The following FMN1 variants were observed in gnomAD, a reference collection of about 807,000 sequenced individuals.
The protein encoded by FMN1 is formin 1, also known as formin-1.
Under a neutral mutation model 132.4 loss-of-function variants are expected in FMN1, and 110 were observed. That is an observed-to-expected ratio of 0.83 (90% CI 0.71 to 0.97). The LOEUF is 0.97. Ranked by LOEUF, FMN1 falls within the 50% of genes least tolerant of loss-of-function variation. FMN1 has a pLI of 0.00. For missense variants in FMN1, 1,792 were observed against 1,705.3 expected, an observed-to-expected ratio of 1.05 and a Z score of -0.90; for synonymous variants, 722 against 651.7, an observed-to-expected ratio of 1.11 and a Z score of -1.64.
intron 17 of FMN1, among the ~76,000 whole-genome samples, chr15:32,829,363 C>A (rs988332957): frequency 1.3e-5 from 2 of 152,216 alleles, no homozygotes; most frequent in African/African-American, 4.8e-5. Flanking sequence ...GAGGACTAGA[C>A]AAGCCATCTT....
At chr15:32,874,039 TAC>T (rs1489367808) in intron 16 of FMN1, among the ~76,000 whole-genome samples, 1 of 147,082 alleles carries the variant, frequency 6.8e-6, no homozygotes, top group Non-Finnish European at 1.5e-5. Context: ...TTTTTTTTGA[TAC>T]AGAGTCTTGC....
chr15:33,083,907 A>G (rs983691145), intron 5 of FMN1, among the ~76,000 whole-genome samples: 1 of 152,174 alleles, frequency 6.6e-6, no homozygotes, highest in Non-Finnish European at 1.5e-5. Context: ...CTCACGGCTC[A>G]TTACATGCTA....
At chr15:33,043,358 A>G (rs1275591804) in intron 6 of FMN1, among the ~76,000 whole-genome samples, 1 of 152,246 alleles carries the variant, frequency 6.6e-6, no homozygotes, top group African/African-American at 2.4e-5. Flanking sequence ...AGTCAAATGT[A>G]GCCAACTGTT....
chr15:33,160,372 G>A (rs1030695782), intron 3 of FMN1, among the ~76,000 whole-genome samples: 2 of 152,144 alleles, frequency 1.3e-5, no homozygotes, highest in African/African-American at 4.8e-5. Context: ...CAACAAAAAA[G>A]GATCTTCCCT....
chr15:33,128,009 T>C (rs1963271702), intron 4 of FMN1, among the ~76,000 whole-genome samples: 1 of 150,970 alleles, frequency 6.6e-6, no homozygotes, highest in Non-Finnish European at 1.5e-5. Context: ...AAGGGGAAAA[T>C]AGACAAATCA....
At chr15:32,880,694 T>C (rs1194386661) in intron 16 of FMN1, among the ~76,000 whole-genome samples, 1 of 152,222 alleles carries the variant, frequency 6.6e-6, no homozygotes, top group Non-Finnish European at 1.5e-5. Flanking sequence ...ACTAATAGTT[T>C]GGTGGATATA....
At chr15:32,912,354 G>C (rs1225719278) in intron 10 of FMN1, among the ~76,000 whole-genome samples, 1 of 152,146 alleles carries the variant, frequency 6.6e-6, no homozygotes, top group Non-Finnish European at 1.5e-5. Context: ...ACAACCATGG[G>C]CTCTGAAGAC....
chr15:32,939,253 G>A (rs186468170), intron 9 of FMN1, among the ~76,000 whole-genome samples: 10 of 152,246 alleles, frequency 6.6e-5, no homozygotes, highest in Admixed American at 5.2e-4. Flanking sequence ...ACAGCTAACC[G>A]AATTTTTACG....
chr15:33,014,017 CTCCTCCT>C (rs59474293), intron 6 of FMN1, among the ~76,000 whole-genome samples: 29,556 of 152,010 alleles, frequency 0.19, 2,874 homozygotes, highest in Admixed American at 0.21. Context: ...CATGATTCAT[CTCCTCCT>C]TTAACAAATA....
intron 17 of FMN1, among the ~76,000 whole-genome samples, chr15:32,805,769 C>A (rs1456359311): frequency 1.3e-5 from 2 of 151,514 alleles, no homozygotes; most frequent in Non-Finnish European, 3.0e-5. Context: ...GCATTTGCAG[C>A]AGTGCTGCTC....
chr15:32,861,529 T>C (rs2059268052), intron 16 of FMN1, among the ~76,000 whole-genome samples: 1 of 152,224 alleles, frequency 6.6e-6, no homozygotes, highest in African/African-American at 2.4e-5. Flanking sequence ...ACAGGCATGA[T>C]ATGATATTTA....
rs1193214841 is a variant in FMN1, at chr15:32,893,490, TG to T, written c.3715-5199del. Among the ~76,000 whole-genome samples, 3 of 152,240 alleles carry T rather than the reference TG, an allele frequency of 2.0e-5. No homozygotes were observed. In the East Asian group the frequency reaches 5.8e-4, roughly 29 times the overall value. On this transcript the variant is annotated intron_variant, in intron 15 of 20. Transcript: ENST00000616417. Reference sequence around the variant, plus strand: ...AGAGTTAAAAAGGCATGACTCTACATGGGTTTCTTTAAATTTCACAGACCAA... The same window carrying T: ...AGAGTTAAAAAGGCATGACTCTACATGGTTTCTTTAAATTTCACAGACCAA...
intron 3 of FMN1, among the ~76,000 whole-genome samples, chr15:33,166,453 A>G (rs1428666733): frequency 1.3e-5 from 2 of 152,264 alleles, no homozygotes; most frequent in East Asian, 1.9e-4. Flanking sequence ...ACAATATAGT[A>G]CTATATGCAG....
chr15:32,800,231 G>A (rs1482640104), intron 18 of FMN1, among the ~76,000 whole-genome samples: 1 of 152,144 alleles, frequency 6.6e-6, no homozygotes, highest in Non-Finnish European at 1.5e-5. Flanking sequence ...CTTCTGTAAA[G>A]AATAAATCTG....
chr15:33,033,320 A>G (rs528245159), intron 6 of FMN1, among the ~76,000 whole-genome samples: 89 of 152,218 alleles, frequency 5.8e-4, no homozygotes, highest in Non-Finnish European at 8.2e-4. Flanking sequence ...GTGAGCCACC[A>G]CGCCTGGCTC....
intron 17 of FMN1, among the ~76,000 whole-genome samples, chr15:32,837,941 A>G (rs978095129): frequency 4.6e-5 from 7 of 152,204 alleles, no homozygotes; most frequent in Non-Finnish European, 7.3e-5. Flanking sequence ...CTCATGCTGA[A>G]TGGATCCCAA....
chr15:32,792,574 TCTC>T (rs1210389760), intron 19 of FMN1, among the ~76,000 whole-genome samples: 1 of 152,128 alleles, frequency 6.6e-6, no homozygotes, highest in African/African-American at 2.4e-5. Context: ...AATATGCAGT[TCTC>T]CTGCTTCCTT....
At chr15:32,836,615 G>C (rs1001930887) in intron 17 of FMN1, among the ~76,000 whole-genome samples, 11 of 152,116 alleles carry the variant, frequency 7.2e-5, no homozygotes, top group African/African-American at 2.7e-4. Flanking sequence ...GAATGTAAAT[G>C]AATGTAAAAC....
intron 4 of FMN1, chr15:33,150,015 T>G: frequency 1.0e-6 from 1 of 985,414 alleles, no homozygotes; most frequent in Non-Finnish European, 1.2e-6. Flanking sequence ...TTCTCAGTTC[T>G]CAATATCAGG....
Sources: gnomAD v4.1 joint callset for allele counts (sites outside exome capture counted in the v4.1 genomes callset) on GRCh38, gnomAD v4.1.1 for gene constraint, MANE v1.5 for transcripts, NCBI Gene and HGNC (gene_info 2026-07-23, HGNC 2026-07-21) for gene names.